GHR: variants seen among roughly 807,000 people sequenced by gnomAD.
The protein encoded by GHR is growth hormone receptor, also known as GH receptor.
Under a neutral mutation model 67.1 loss-of-function variants are expected in GHR, and 35 were observed. That is an observed-to-expected ratio of 0.52 (90% confidence interval 0.40 to 0.69). The LOEUF (loss-of-function observed/expected upper bound fraction) is 0.69. Ranked by LOEUF, GHR falls within the 30% of genes least tolerant of loss-of-function variation. GHR has a pLI of 0.00. For synonymous variants in GHR, 272 were observed against 269.1 expected, an observed-to-expected ratio of 1.01 and a Z score of -0.10; for missense variants, 792 against 764.6, an observed-to-expected ratio of 1.04 and a Z score of -0.42.
At chr5:42,596,243 A>G (rs1011100921) in intron 2 of GHR, among the ~76,000 whole-genome samples, 3 of 152,156 alleles carry the variant, frequency 2.0e-5, no homozygotes, top group African/African-American at 4.8e-5. Flanking sequence ...AGTATACAGC[A>G]TAGAGTAGGT....
chr5:42,653,604 T>C (rs1392955443), intron 3 of GHR, among the ~76,000 whole-genome samples: 1 of 152,112 alleles, frequency 6.6e-6, no homozygotes, highest in Non-Finnish European at 1.5e-5. Context: ...TCTGAGCCCA[T>C]AAATAAAGTT....
chr5:42,622,379 G>A (rs1753493412), intron 2 of GHR, among the ~76,000 whole-genome samples: 1 of 152,190 alleles, frequency 6.6e-6, no homozygotes, highest in Admixed American at 6.5e-5. Context: ...CCCTGCAGAG[G>A]ATATGGTGAT....
intron 1 of GHR, chr5:42,465,770 C>T (rs1744702028): frequency 1.1e-6 from 1 of 873,290 alleles, no homozygotes; most frequent in East Asian, 2.4e-5. Context: ...AAATCCATCT[C>T]CTTGGCCCAT....
At position 42,691,881 on chromosome 5, in the gene GHR, G is replaced by A. The variant is rs144166885; in HGVS notation, c.266+2862G>A. On this transcript the variant is annotated intron_variant, in intron 4 of 9. Coordinates refer to ENST00000230882, the MANE Select transcript of GHR (RefSeq NM_000163.5). ...GCCTCTGAGCTTGCAGGGGACTCAG[G>A]ATGAATGCACATTACAGGCATGGTA... Among the ~76,000 whole-genome samples the A allele has an allele frequency of 3.3e-3, 497 of 152,366 alleles. 2 individuals carry two copies. Among genetic ancestry groups the A allele is most frequent in the Non-Finnish European group, 5.7e-3 (388 of 68,038 alleles).
Position 42,465,582 on chromosome 5 carries a change from A to C in GHR, c.-12+41627A>C. 3 of 1,246,140 alleles carry C rather than the reference A, an allele frequency of 2.4e-6. No individual in the cohort carries two copies. In the South Asian group the frequency reaches 3.6e-5, roughly 15 times the overall value. The allele number at this position is 1,246,140 out of a possible 1,614,324, so 77.2% of individuals were successfully genotyped here. On this transcript the variant is annotated intron_variant, in intron 1 of 9. Coordinates refer to ENST00000230882, the MANE Select transcript of GHR (RefSeq NM_000163.5). ...GATTGATCCAAGTCACTGCAATTATAAGATATTTGTTTCTGAATGTATTTG... is the reference window on the plus strand; with the variant it reads ...GATTGATCCAAGTCACTGCAATTATCAGATATTTGTTTCTGAATGTATTTG...
intron 1 of GHR, among the ~76,000 whole-genome samples, chr5:42,426,733 T>C (rs112073892): frequency 0.01 from 1,539 of 152,298 alleles, 25 homozygotes; most frequent in African/African-American, 0.035. Flanking sequence ...GCCAATTGTG[T>C]AAACAAGACA....
intron 1 of GHR, among the ~76,000 whole-genome samples, chr5:42,559,019 A>T (rs1749458758): frequency 6.6e-6 from 1 of 152,230 alleles, no homozygotes; most frequent in Non-Finnish European, 1.5e-5. Flanking sequence ...GCTAAATTTT[A>T]ATCATAAATA....
At chr5:42,660,062 G>T (rs1369538873) in intron 3 of GHR, among the ~76,000 whole-genome samples, 10 of 152,218 alleles carry the variant, frequency 6.6e-5, no homozygotes, top group Non-Finnish European at 1.5e-4. Context: ...GGGGAGGGGC[G>T]CCAGGCATTG....
At chr5:42,651,336 C>T (rs1030128942) in intron 3 of GHR, among the ~76,000 whole-genome samples, 16 of 152,224 alleles carry the variant, frequency 1.1e-4, no homozygotes, top group African/African-American at 2.6e-4. Flanking sequence ...TTGGGGGAAC[C>T]TTTAGGTTCC....
At chr5:42,525,234 C>G (rs956693974) in intron 1 of GHR, among the ~76,000 whole-genome samples, 3 of 152,186 alleles carry the variant, frequency 2.0e-5, no homozygotes, top group Non-Finnish European at 4.4e-5. Context: ...TCTGCAAAGC[C>G]TCAGAGTAGA....
At chr5:42,565,541 C>A in intron 1 of GHR, 1 of 985,328 alleles carries the variant, frequency 1.0e-6, no homozygotes, top group South Asian at 4.7e-5. Flanking sequence ...GCAAACCTTA[C>A]TGGCCCTGTT....
intron 1 of GHR, among the ~76,000 whole-genome samples, chr5:42,443,900 T>C (rs1743689196): frequency 6.6e-6 from 1 of 152,018 alleles, no homozygotes; most frequent in Non-Finnish European, 1.5e-5. Flanking sequence ...TTTAGGGTAA[T>C]GTTTGACAAC....
At chr5:42,601,805 C>G (rs1175762251) in intron 2 of GHR, among the ~76,000 whole-genome samples, 1 of 152,012 alleles carries the variant, frequency 6.6e-6, no homozygotes, top group Non-Finnish European at 1.5e-5. Flanking sequence ...TCTTCCTTAT[C>G]TTTCATTCAC....
At chr5:42,467,790 C>G in intron 1 of GHR, 1 of 1,490,506 alleles carries the variant, frequency 6.7e-7, no homozygotes. Context: ...CTTTCCCACA[C>G]ATGCTACAAT....
intron 1 of GHR, among the ~76,000 whole-genome samples, chr5:42,433,547 A>G (rs573899337): frequency 8.5e-5 from 13 of 152,154 alleles, no homozygotes; most frequent in African/African-American, 3.1e-4. Flanking sequence ...AGAAGGCAAC[A>G]CTATTAATGT....
chr5:42,522,077 A>T (rs1034833050), intron 1 of GHR, among the ~76,000 whole-genome samples: 1 of 152,018 alleles, frequency 6.6e-6, no homozygotes, highest in East Asian at 1.9e-4. Context: ...CAAAATAAAC[A>T]CCCCATTGTT....
chr5:42,609,390 G>A (rs548684089), intron 2 of GHR, among the ~76,000 whole-genome samples: 1 of 152,306 alleles, frequency 6.6e-6, no homozygotes, highest in African/African-American at 2.4e-5. Flanking sequence ...GAAAATGAGT[G>A]TGGAGCAACA....
chr5:42,658,908 T>G (rs1214054103), intron 3 of GHR, among the ~76,000 whole-genome samples: 1 of 152,220 alleles, frequency 6.6e-6, no homozygotes. Context: ...GGATGTGGAT[T>G]AAAAGTAGCT....
intron 3 of GHR, among the ~76,000 whole-genome samples, chr5:42,652,663 A>T (rs913454726): frequency 2.0e-5 from 3 of 152,182 alleles, no homozygotes; most frequent in African/African-American, 7.2e-5. Context: ...TGTGTTTACC[A>T]GGTAAACTAA....
Sources: allele counts gnomAD v4.1 joint callset (sites outside exome capture counted in the v4.1 genomes callset), GRCh38; gene constraint gnomAD v4.1.1; transcripts MANE v1.5; gene names NCBI Gene and HGNC (gene_info 2026-07-23, HGNC 2026-07-21).